FRYL: variants seen among roughly 807,000 people sequenced by gnomAD.
FRYL encodes the protein FRY like transcription coactivator.
Under a neutral mutation model 351.2 loss-of-function variants are expected in FRYL, and 150 were observed. The observed-to-expected ratio is 0.43, with a 90% CI of 0.37 to 0.49. The LOEUF (loss-of-function observed/expected upper bound fraction) is 0.49, where lower values mean the gene tolerates loss of function less well. Ranked by LOEUF, FRYL falls within the 20% of genes least tolerant of loss-of-function variation. The pLI, the probability that FRYL is intolerant of heterozygous loss-of-function variation, is 0.00. For missense variants in FRYL, 3,036 were observed against 3,619.3 expected (o/e 0.84, Z 4.13); for synonymous variants, 1,153 against 1,257.1 (o/e 0.92, Z 1.75).
intron 1 of FRYL, among the ~76,000 whole-genome samples, chr4:48,720,104 T>G (rs1769299469): frequency 6.8e-6 from 1 of 146,702 alleles, no homozygotes; most frequent in African/African-American, 2.5e-5. Flanking sequence ...GAGCCAAGAT[T>G]GTGCCACTGC....
At chr4:48,684,878 T>G (rs1764996444) in intron 2 of FRYL, 83 bp from the exon 3 acceptor site, 1 of 152,236 alleles carries the variant, frequency 6.6e-6, no homozygotes. Flanking sequence ...GAACACATTT[T>G]ATACATTTTA....
intron 3 of FRYL, among the ~76,000 whole-genome samples, chr4:48,663,960 AG>A (rs1401565761): frequency 6.6e-6 from 1 of 152,150 alleles, no homozygotes; most frequent in African/African-American, 2.4e-5. Context: ...AACCAGAGGG[AG>A]CCTGAGATAG....
At chr4:48,772,231 G>A (rs1775585161) in intron 1 of FRYL, among the ~76,000 whole-genome samples, 1 of 152,056 alleles carries the variant, frequency 6.6e-6, no homozygotes, top group African/African-American at 2.4e-5. Context: ...CACTTCTACA[G>A]GCTAGCAAGT....
At chr4:48,614,721 CAAAAAAAAAA>C (rs1161734085) in intron 7 of FRYL, among the ~76,000 whole-genome samples, 1 of 47,124 alleles carries the variant, frequency 2.1e-5, no homozygotes, top group Non-Finnish European at 3.4e-5. Flanking sequence ...GACTCCATCT[CAAAAAAAAAA>C]AAAAAAAAAA....
At chr4:48,573,150 ATG>A in intron 26 of FRYL, 34 bp downstream of exon 26, 1 of 1,501,866 alleles carries the variant, frequency 6.7e-7, no homozygotes, top group Non-Finnish European at 9.2e-7. Flanking sequence ...AGAAAAATGA[ATG>A]TTCACTAATA....
intron 2 of FRYL, among the ~76,000 whole-genome samples, chr4:48,706,734 G>C (rs1767401661): frequency 6.6e-6 from 1 of 152,082 alleles, no homozygotes; most frequent in Non-Finnish European, 1.5e-5. Flanking sequence ...GAAAGAGCTT[G>C]GTTTCCATCT....
chr4:48,583,724 G>A (rs1222151350), intron 19 of FRYL, among the ~76,000 whole-genome samples: 2 of 151,874 alleles, frequency 1.3e-5, no homozygotes, highest in Non-Finnish European at 2.9e-5. Context: ...CCAACATGAT[G>A]AAATCCCGTC....
intron 3 of FRYL, chr4:48,653,813 C>CAGCTGCAAA: frequency 3.1e-6 from 1 of 325,396 alleles, no homozygotes; most frequent in East Asian, 2.0e-4. Flanking sequence ...GCAAAAGCAG[C>CAGCTGCAAA]AGCAGCAGCA....
chr4:48,673,568 T>TA lies in FRYL; in HGVS notation c.-81+11104dup, dbSNP rs35711816. On this transcript the variant is annotated intron_variant, in intron 3 of 63. Transcript: ENST00000358350. ...GCACCCATCAGACACACTAGTCTTT[T>TA]AAAAAAAAAATACTGTATACCTAAA... Among the ~76,000 whole-genome samples, 33 of 149,642 alleles carry TA rather than the reference T, an allele frequency of 2.2e-4. No homozygotes were observed. In the South Asian group the frequency reaches 4.0e-3, roughly 18 times the overall value.
intron 32 of FRYL, among the ~76,000 whole-genome samples, chr4:48,562,040 C>A (rs1215581653): frequency 6.6e-6 from 1 of 151,920 alleles, no homozygotes; most frequent in Non-Finnish European, 1.5e-5. Context: ...ACAAAACAAA[C>A]AAAAACTCTT....
At chr4:48,755,791 A>G (rs1447376609) in intron 1 of FRYL, among the ~76,000 whole-genome samples, 1 of 152,212 alleles carries the variant, frequency 6.6e-6, no homozygotes, top group Non-Finnish European at 1.5e-5. Flanking sequence ...AATAAAAAAA[A>G]CAGTATGTAT....
rs548810640 is a variant in FRYL at position 48,710,066 on chromosome 4, A to G, written c.-204+453T>C. 4.6e-5 allele frequency among the ~76,000 whole-genome samples: 7 copies of G among 152,332 alleles called. No homozygotes were observed. In the South Asian group the frequency reaches 1.4e-3, roughly 32 times the overall value. On this transcript the variant is annotated intron_variant, in intron 2 of 63. Transcript: ENST00000358350. ...GCTAACTGACATCTATGCTTCCAAA[A>G]AAAAGTCAGAATATGAAAAGGCACA...
intron 49 of FRYL, among the ~76,000 whole-genome samples, chr4:48,533,180 G>A (rs758553789): frequency 2.6e-5 from 4 of 151,958 alleles, no homozygotes; most frequent in Non-Finnish European, 5.9e-5. Flanking sequence ...TTGTGGTTCT[G>A]AACATAAGAA....
chr4:48,583,060 C>A (rs1175990288), intron 19 of FRYL, among the ~76,000 whole-genome samples: 1 of 152,028 alleles, frequency 6.6e-6, no homozygotes, highest in Admixed American at 6.6e-5. Flanking sequence ...TATAATCAAT[C>A]AAAAATGATA....
rs757979149 is a variant in FRYL, at chr4:48,547,652, T to C, written c.5006A>G (p.Asn1669Ser). Reference protein sequence around the residue: ...IRTVASVLLRNKEFNEPRVLT... With the variant: ...IRTVASVLLRSKEFNEPRVLT... ...CACCCTGGGCTCATTAAACTCCTTGTTCCTGAGAAGGACAGAAGCAACAGT... is the reference window on the plus strand; with the variant it reads ...CACCCTGGGCTCATTAAACTCCTTGCTCCTGAGAAGGACAGAAGCAACAGT... Residue 1669 changes from asparagine to serine, a missense_variant, in exon 41 of 64, where the codon AAC becomes AGC. This residue lies in a region of FRYL where 1,987 missense variants were observed against 2,311.7 expected (regional missense o/e 0.86). Coordinates refer to ENST00000358350, the MANE Select transcript of FRYL (RefSeq NM_015030.2). 19 of 1,608,066 alleles carry C rather than the reference T, an allele frequency of 1.2e-5. No individual in the cohort carries two copies. The highest frequency in any genetic ancestry group is 1.4e-5 in the Non-Finnish European group (17 of 1,175,902).
intron 1 of FRYL, among the ~76,000 whole-genome samples, chr4:48,716,759 A>G (rs999858222): frequency 1.4e-4 from 21 of 151,624 alleles, no homozygotes; most frequent in Non-Finnish European, 4.4e-5. Context: ...TGACCTGGCC[A>G]TACCATTACT....
intron 55 of FRYL, 31 bp downstream of exon 55, chr4:48,521,017 T>G (rs545786712): frequency 6.5e-7 from 1 of 1,532,824 alleles, no homozygotes; most frequent in South Asian, 1.3e-5. Flanking sequence ...GAGCCCAGAT[T>G]GGCCATGCAC....
intron 61 of FRYL, 52 bp from the exon 62 acceptor site, chr4:48,501,785 T>C (rs756502123): frequency 9.7e-7 from 1 of 1,033,796 alleles, no homozygotes; most frequent in Non-Finnish European, 1.5e-6. Context: ...CTAGACAGCA[T>C]ATTTCCAATG....
intron 35 of FRYL, among the ~76,000 whole-genome samples, chr4:48,554,536 A>C (rs1733650149): frequency 1.3e-5 from 2 of 152,106 alleles, no homozygotes; most frequent in Admixed American, 1.3e-4. Flanking sequence ...ATGGGGTTTC[A>C]TCATGTTGGC....
Sources: gnomAD v4.1 joint callset for allele counts (sites outside exome capture counted in the v4.1 genomes callset) on GRCh38, gnomAD v4.1.1 for gene constraint, gnomAD v4.1.1 regional missense constraint, MANE v1.5 for transcripts, NCBI Gene and HGNC (gene_info 2026-07-23, HGNC 2026-07-21) for gene names.